RBFOX1: variants seen among roughly 807,000 people sequenced by gnomAD.
RBFOX1 encodes the protein RNA binding fox-1 homolog 1.
Under a neutral mutation model 57.7 loss-of-function variants are expected in RBFOX1, and 8 were observed. That is an observed-to-expected ratio of 0.14 (90% confidence interval 0.08 to 0.25). The LOEUF (loss-of-function observed/expected upper bound fraction) is 0.25, where lower values mean the gene tolerates loss of function less well. RBFOX1 is among the 10% of genes least tolerant of loss of function. The pLI is 1.00. For synonymous variants in RBFOX1, 326 were observed against 222.4 expected (o/e 1.47, Z -4.15); for missense variants, 611 against 548.5 (o/e 1.11, Z -1.14).
chr16:7,379,379 A>G (rs1166059509), intron 4 of RBFOX1, among the ~76,000 whole-genome samples: 1 of 152,214 alleles, frequency 6.6e-6, no homozygotes, highest in African/African-American at 2.4e-5. Flanking sequence ...TAATAGCCTA[A>G]TTGGAGCGAA....
chr16:5,336,657 T>C (rs2064902642), intron 1 of RBFOX1, among the ~76,000 whole-genome samples: 1 of 152,152 alleles, frequency 6.6e-6, no homozygotes, highest in East Asian at 1.9e-4. Context: ...AGATAGGTAG[T>C]GATGACCCAT....
chr16:5,669,144 G>GCT (rs2049939748), intron 3 of RBFOX1, among the ~76,000 whole-genome samples: 1 of 152,104 alleles, frequency 6.6e-6, no homozygotes, highest in Non-Finnish European at 1.5e-5. Context: ...AAATTCCAGA[G>GCT]GGTTGGCCTT....
intron 3 of RBFOX1, among the ~76,000 whole-genome samples, chr16:6,831,235 C>T (rs1244041221): frequency 6.6e-6 from 1 of 152,168 alleles, no homozygotes; most frequent in Non-Finnish European, 1.5e-5. Context: ...CTTGGCTTGA[C>T]TTGGTCGAAT....
chr16:6,057,685 T>A (rs1371927057), intron 1 of RBFOX1, among the ~76,000 whole-genome samples: 1 of 152,118 alleles, frequency 6.6e-6, no homozygotes, highest in Non-Finnish European at 1.5e-5. Flanking sequence ...GATGAGAGTT[T>A]AGAATGCTTG....
At chr16:6,049,701 T>TA (rs1437953452) in intron 1 of RBFOX1, among the ~76,000 whole-genome samples, 1 of 152,160 alleles carries the variant, frequency 6.6e-6, no homozygotes, top group Non-Finnish European at 1.5e-5. Context: ...ATTCTAAAAA[T>TA]AGTCTTTATT....
intron 3 of RBFOX1, among the ~76,000 whole-genome samples, chr16:5,651,653 A>C (rs1187868907): frequency 6.6e-6 from 1 of 152,126 alleles, no homozygotes; most frequent in Non-Finnish European, 1.5e-5. Context: ...GTGAATTCCC[A>C]GTGCCCATCT....
Position 6,847,232 on chromosome 16 carries a change from T to G in RBFOX1, c.-16+192582T>G, listed in dbSNP as rs547438653. Among the ~76,000 whole-genome samples the G allele has an allele frequency of 4.6e-5, 7 of 152,278 alleles. No individual in the cohort carries two copies. The East Asian group carries it at 1.4e-3, about 30-fold the overall frequency. On this transcript the variant is annotated intron_variant, in intron 3 of 15. Coordinates refer to ENST00000550418, the MANE Select transcript of RBFOX1 (RefSeq NM_018723.4). ...TACTGCATAACAACATTTCATGATA[T>G]ACAACATGTATCTCTCATGCCTTTC...
chr16:7,530,487 A>T (rs1449935929), intron 5 of RBFOX1, among the ~76,000 whole-genome samples: 1 of 151,606 alleles, frequency 6.6e-6, no homozygotes, highest in Non-Finnish European at 1.5e-5. Context: ...ATTCTCACAA[A>T]GACTTCCAGA....
chr16:7,178,153 A>G (rs1342205187), intron 4 of RBFOX1, among the ~76,000 whole-genome samples: 1 of 152,246 alleles, frequency 6.6e-6, no homozygotes, highest in Admixed American at 6.5e-5. Flanking sequence ...AACAAACAAA[A>G]AACATGTTTA....
At chr16:7,668,669 C>G (rs941376757) in intron 13 of RBFOX1, among the ~76,000 whole-genome samples, 2 of 151,826 alleles carry the variant, frequency 1.3e-5, no homozygotes, top group African/African-American at 4.8e-5. Context: ...AGAACACACA[C>G]ACACACACAC....
intron 1 of RBFOX1, among the ~76,000 whole-genome samples, chr16:5,450,943 G>A (rs1163545541): frequency 6.6e-6 from 1 of 152,186 alleles, no homozygotes; most frequent in Non-Finnish European, 1.5e-5. Context: ...CCGAGCCTCA[G>A]TGTTCTCATC....
chr16:6,537,651 G>A (rs2096753631), intron 2 of RBFOX1, among the ~76,000 whole-genome samples: 1 of 152,128 alleles, frequency 6.6e-6, no homozygotes, highest in African/African-American at 2.4e-5. Flanking sequence ...GAAGTGTAAT[G>A]TCTGGAGTTT....
At chr16:6,280,198 G>A (rs901532383) in intron 1 of RBFOX1, among the ~76,000 whole-genome samples, 1 of 152,076 alleles carries the variant, frequency 6.6e-6, no homozygotes, top group Non-Finnish European at 1.5e-5. Context: ...CTGCAGGGTG[G>A]CATTGTCCAA....
chr16:7,281,266 G>A (rs2095538370), intron 4 of RBFOX1, among the ~76,000 whole-genome samples: 2 of 151,766 alleles, frequency 1.3e-5, no homozygotes, highest in African/African-American at 4.8e-5. Context: ...GCCTCCCACA[G>A]TGTTGGGACT....
intron 4 of RBFOX1, among the ~76,000 whole-genome samples, chr16:7,124,502 TCCCCCTCCCC>T (rs2151862707): frequency 1.3e-5 from 1 of 79,502 alleles, no homozygotes; most frequent in African/African-American, 4.8e-5. Context: ...CCTTCCTCGC[TCCCCCTCCCC>T]TCCCCTCCCC....
intron 4 of RBFOX1, among the ~76,000 whole-genome samples, chr16:5,908,058 G>T (rs910485398): frequency 6.2e-5 from 7 of 112,232 alleles, no homozygotes; most frequent in East Asian, 2.5e-4. Context: ...GTAGATGTAT[G>T]TATGTGTGTA....
intron 3 of RBFOX1, among the ~76,000 whole-genome samples, chr16:6,733,390 C>T (rs2069176188): frequency 6.6e-6 from 1 of 152,168 alleles, no homozygotes; most frequent in Non-Finnish European, 1.5e-5. Flanking sequence ...TGTGTCAGAG[C>T]AAAGCCTGTG....
intron 1 of RBFOX1, among the ~76,000 whole-genome samples, chr16:6,273,489 T>C (rs530050651): frequency 6.6e-6 from 1 of 151,516 alleles, no homozygotes; most frequent in Non-Finnish European, 1.5e-5. Flanking sequence ...GGATTACAGG[T>C]ACATGTCACC....
At chr16:5,698,610 G>C (rs2050922566) in intron 3 of RBFOX1, among the ~76,000 whole-genome samples, 3 of 152,004 alleles carry the variant, frequency 2.0e-5, no homozygotes, top group Admixed American at 1.3e-4. Flanking sequence ...ACATTCAAAA[G>C]ATTTAAAAAC....
Sources: gnomAD v4.1 joint callset for allele counts (sites outside exome capture counted in the v4.1 genomes callset) on GRCh38, gnomAD v4.1.1 for gene constraint, MANE v1.5 for transcripts, NCBI Gene and HGNC (gene_info 2026-07-23, HGNC 2026-07-21) for gene names.